NPAS3: variants seen among roughly 807,000 people sequenced by gnomAD.
NPAS3 encodes neuronal PAS domain-containing protein 3.
A neutral mutation model predicts 73.1 loss-of-function variants in NPAS3; 14 were observed. The observed-to-expected ratio is 0.19, with a 90% CI of 0.13 to 0.30. The LOEUF (loss-of-function observed/expected upper bound fraction) is 0.30. NPAS3 is among the 10% of genes least tolerant of loss of function. The probability of loss-of-function intolerance (pLI) is 1.00; values close to 1 mark genes in which losing one functional copy is unlikely to be tolerated. For synonymous variants in NPAS3, 620 were observed against 541.5 expected (o/e 1.14, Z -2.01); for missense variants, 1,096 against 1,250.0 (o/e 0.88, Z 1.86).
chr14:33,156,139 C>T (rs1185559735), intron 2 of NPAS3, among the ~76,000 whole-genome samples: 1 of 152,080 alleles, frequency 6.6e-6, no homozygotes, highest in Non-Finnish European at 1.5e-5. Context: ...AATCAAAAAA[C>T]AACACAATTA....
intron 3 of NPAS3, among the ~76,000 whole-genome samples, chr14:33,290,035 A>G (rs1399653655): frequency 6.6e-6 from 1 of 152,102 alleles, no homozygotes; most frequent in African/African-American, 2.4e-5. Flanking sequence ...TTCTACATCC[A>G]TTTGGGAGCT....
At chr14:33,108,076 T>C (rs377370231) in intron 2 of NPAS3, among the ~76,000 whole-genome samples, 10 of 152,180 alleles carry the variant, frequency 6.6e-5, no homozygotes, top group African/African-American at 1.9e-4. Context: ...CCAGTGCTAC[T>C]AGTTTTGTGT....
chr14:33,295,169 G>A (rs1280248917), intron 3 of NPAS3, among the ~76,000 whole-genome samples: 1 of 151,914 alleles, frequency 6.6e-6, no homozygotes, highest in African/African-American at 2.4e-5. Flanking sequence ...AAACACCAAG[G>A]GATTATTATA....
intron 6 of NPAS3, among the ~76,000 whole-genome samples, chr14:33,682,249 T>TA (rs1007312414): frequency 2.1e-4 from 32 of 152,174 alleles, no homozygotes; most frequent in African/African-American, 7.7e-4. Flanking sequence ...ACTGGGGCTG[T>TA]AGCAATGATC....
At chr14:33,246,471 C>T (rs574792994) in intron 3 of NPAS3, among the ~76,000 whole-genome samples, 1 of 138,602 alleles carries the variant, frequency 7.2e-6, no homozygotes, top group Non-Finnish European at 1.5e-5. Context: ...CCCCGGGGGA[C>T]GGAGCCTGCA....
chr14:33,575,931 G>C (rs1246892326), intron 5 of NPAS3, among the ~76,000 whole-genome samples: 1 of 152,162 alleles, frequency 6.6e-6, no homozygotes, highest in East Asian at 1.9e-4. Flanking sequence ...GGTGAAGAGA[G>C]AGAGAGGAAG....
intron 3 of NPAS3, among the ~76,000 whole-genome samples, chr14:33,310,565 C>G (rs1378376665): frequency 6.6e-6 from 1 of 152,116 alleles, no homozygotes; most frequent in Non-Finnish European, 1.5e-5. Context: ...ATATTTCACC[C>G]TGTTGTTACT....
intron 5 of NPAS3, among the ~76,000 whole-genome samples, chr14:33,652,661 C>T (rs1286144137): frequency 6.6e-6 from 1 of 152,156 alleles, no homozygotes; most frequent in African/African-American, 2.4e-5. Flanking sequence ...CTGATTCAGG[C>T]GCCATGCCTT....
intron 2 of NPAS3, among the ~76,000 whole-genome samples, chr14:33,132,212 G>T (rs1401298160): frequency 3.3e-5 from 5 of 152,112 alleles, no homozygotes; most frequent in Non-Finnish European, 7.3e-5. Context: ...GAAAGGAGGT[G>T]TGTGGACTCC....
chr14:33,642,387 A>T (rs1165663352), intron 5 of NPAS3, among the ~76,000 whole-genome samples: 2 of 152,346 alleles, frequency 1.3e-5, no homozygotes, highest in East Asian at 3.9e-4. Context: ...GCGGCAATAG[A>T]TAACTGATTT....
chr14:33,086,009 T>C (rs749079387), intron 2 of NPAS3, among the ~76,000 whole-genome samples: 2 of 152,152 alleles, frequency 1.3e-5, no homozygotes, highest in Non-Finnish European at 2.9e-5. Context: ...CTTGGCATAT[T>C]TTACAAACAT....
intron 2 of NPAS3, among the ~76,000 whole-genome samples, chr14:33,189,681 GTCATATATGGTCAACTT>G (rs1274894608): frequency 6.6e-6 from 1 of 152,130 alleles, no homozygotes. Flanking sequence ...GCAGGATTCT[GTCATATATGGTCAACTT>G]TTATACATTT....
chr14:33,401,321 A>G (rs1254270814), intron 4 of NPAS3, among the ~76,000 whole-genome samples: 5 of 152,282 alleles, frequency 3.3e-5, no homozygotes, highest in South Asian at 2.1e-4. Context: ...TCACGTTTCA[A>G]TCACAGATCT....
At chr14:33,436,586 A>G (rs1261931235) in intron 4 of NPAS3, among the ~76,000 whole-genome samples, 1 of 152,202 alleles carries the variant, frequency 6.6e-6, no homozygotes, top group Non-Finnish European at 1.5e-5. Flanking sequence ...CTGTTTTTAT[A>G]AAGCAGCATT....
chr14:33,197,064 T>C (rs931134351), intron 2 of NPAS3, among the ~76,000 whole-genome samples: 1 of 152,218 alleles, frequency 6.6e-6, no homozygotes. Flanking sequence ...GGATTTCTAG[T>C]GACATGAGCA....
chr14:33,277,316 A>T (rs1198968955), intron 3 of NPAS3, among the ~76,000 whole-genome samples: 1 of 152,140 alleles, frequency 6.6e-6, no homozygotes, highest in East Asian at 1.9e-4. Context: ...GCACTGATTA[A>T]CTGGCTACCA....
At chr14:33,220,104 G>A (rs1594428272) in intron 3 of NPAS3, among the ~76,000 whole-genome samples, 1 of 152,186 alleles carries the variant, frequency 6.6e-6, no homozygotes, top group Non-Finnish European at 1.5e-5. Flanking sequence ...CACGGGTAAA[G>A]GGAAGAACCC....
intron 2 of NPAS3, among the ~76,000 whole-genome samples, chr14:33,142,165 T>A (rs1215372561): frequency 6.6e-6 from 1 of 150,468 alleles, no homozygotes; most frequent in Non-Finnish European, 1.5e-5. Flanking sequence ...TGCTCCTAAT[T>A]TTTATTTTAT....
chr14:33,429,449 G>C (rs1246777033), intron 4 of NPAS3, among the ~76,000 whole-genome samples: 1 of 152,202 alleles, frequency 6.6e-6, no homozygotes, highest in Non-Finnish European at 1.5e-5. Context: ...ACGCAAATTA[G>C]TTTTATTCAA....
Sources: gnomAD v4.1 joint callset for allele counts (sites outside exome capture counted in the v4.1 genomes callset) on GRCh38, gnomAD v4.1.1 for gene constraint, MANE v1.5 for transcripts, NCBI Gene and HGNC (gene_info 2026-07-23, HGNC 2026-07-21) for gene names.